RERE: variants seen among roughly 807,000 people sequenced by gnomAD.
RERE encodes arginine-glutamic acid dipeptide repeats.
RERE carries 40 observed loss-of-function variants against 146.1 expected under a neutral mutation model. That is an observed-to-expected ratio of 0.27 (90% confidence interval 0.21 to 0.36). The LOEUF is 0.36. RERE is among the 10% of genes least tolerant of loss of function. The pLI, the probability that RERE is intolerant of heterozygous loss-of-function variation, is 1.00. For synonymous variants in RERE, 1,003 were observed against 866.0 expected, an observed-to-expected ratio of 1.16 and a Z score of -2.78; for missense variants, 1,933 against 2,138.7, an observed-to-expected ratio of 0.90 and a Z score of 1.90.
intron 1 of RERE, among the ~76,000 whole-genome samples, chr1:8,672,314 C>T (rs1329133271): frequency 6.6e-6 from 1 of 152,066 alleles, no homozygotes; most frequent in Admixed American, 6.5e-5. Flanking sequence ...GCTGGGACTA[C>T]AGGTACGTAT....
chr1:8,508,700 A>T, intron 7 of RERE, 25 bp from the exon 8 acceptor site: 1 of 1,586,872 alleles, frequency 6.3e-7, no homozygotes, highest in Non-Finnish European at 8.6e-7. Context: ...GAGCAGATTA[A>T]GTTAGCGCAA....
intron 7 of RERE, among the ~76,000 whole-genome samples, chr1:8,535,495 C>G (rs1645712818): frequency 6.6e-6 from 1 of 152,206 alleles, no homozygotes; most frequent in Non-Finnish European, 1.5e-5. Flanking sequence ...AGGGTGACAA[C>G]ATACTTTCAA....
intron 1 of RERE, among the ~76,000 whole-genome samples, chr1:8,711,743 G>C (rs2124458327): frequency 6.6e-6 from 1 of 152,106 alleles, no homozygotes; most frequent in African/African-American, 2.4e-5. Context: ...CAAATGTACT[G>C]GAAGTAATCT....
chr1:8,744,018 G>A (rs1409499860), intron 1 of RERE, among the ~76,000 whole-genome samples: 4 of 152,176 alleles, frequency 2.6e-5, no homozygotes, highest in Non-Finnish European at 4.4e-5. Flanking sequence ...TTGAAGCACA[G>A]TAGGTGCTCA....
intron 4 of RERE, among the ~76,000 whole-genome samples, chr1:8,605,059 T>C (rs768394187): frequency 2.0e-5 from 3 of 152,258 alleles, no homozygotes; most frequent in Non-Finnish European, 2.9e-5. Context: ...AATATAACAA[T>C]GTCTCTAACT....
intron 1 of RERE, chr1:8,786,459 G>A (rs1231461634): frequency 3.3e-6 from 3 of 904,728 alleles, no homozygotes; most frequent in Non-Finnish European, 1.8e-6. Flanking sequence ...TATTCATCTT[G>A]CCATAACCAC....
chr1:8,677,459 A>G (rs536853907), intron 1 of RERE, among the ~76,000 whole-genome samples: 8 of 151,874 alleles, frequency 5.3e-5, no homozygotes, highest in Admixed American at 2.0e-4. Context: ...GAAAAGAAAA[A>G]AAAAAAAAAA....
At chr1:8,697,796 T>C (rs886798906) in intron 1 of RERE, among the ~76,000 whole-genome samples, 15 of 152,216 alleles carry the variant, frequency 9.9e-5, no homozygotes, top group Non-Finnish European at 2.2e-4. Context: ...TGAACAGTAG[T>C]GTCTGTGGCC....
chr1:8,536,567 G>T (rs1255770698), intron 7 of RERE, among the ~76,000 whole-genome samples: 2 of 152,124 alleles, frequency 1.3e-5, no homozygotes, highest in Admixed American at 1.3e-4. Flanking sequence ...CTCCTAACTG[G>T]CTTTATTTAT....
chr1:8,795,546 T>C lies in RERE; in HGVS notation c.-145+21614A>G, dbSNP rs571751385. 1.2e-4 allele frequency among the ~76,000 whole-genome samples: 18 copies of C among 152,258 alleles called. 1 individual carries two copies. The East Asian group carries it at 3.5e-3, about 29-fold the overall frequency. ...TGTCCCTATTTGACAGCTAAGGAAG[T>C]AGGGCACATAATCATACTTCAAGCC... On this transcript the variant is annotated intron_variant, in intron 1 of 22. Coordinates refer to ENST00000400908, the MANE Select transcript of RERE (RefSeq NM_001042681.2).
intron 10 of RERE, among the ~76,000 whole-genome samples, chr1:8,467,429 C>T (rs1644614432): frequency 6.6e-6 from 1 of 152,170 alleles, no homozygotes. Flanking sequence ...GAGGAGACAG[C>T]CATGTGTTTC....
chr1:8,476,566 G>A (rs1415664264), intron 10 of RERE, among the ~76,000 whole-genome samples: 1 of 152,190 alleles, frequency 6.6e-6, no homozygotes, highest in East Asian at 1.9e-4. Context: ...CACTCACAGT[G>A]CTAAATGAAA....
chr1:8,638,775 GAAAA>G lies in RERE; in HGVS notation c.326-14399_326-14396del, dbSNP rs1194181572. On this transcript the variant is annotated intron_variant, in intron 2 of 22. Coordinates refer to ENST00000400908, the MANE Select transcript of RERE (RefSeq NM_001042681.2). ...AAAATGCAGAAGGAAACTCATAGAC[GAAAA>G]AAAATTTTTTTTTTTTTTTTTTTTT... is the stretch of plus-strand genomic sequence containing the variant. Among the ~76,000 whole-genome samples the G allele has an allele frequency of 1.1e-3, 151 of 138,946 alleles. 1 individual carries two copies. Among genetic ancestry groups the G allele is most frequent in the African/African-American group, 4.0e-3 (148 of 36,578 alleles). 91.2% of individuals were successfully genotyped at this position (138,946 alleles called of 152,430 possible).
chr1:8,475,872 C>T (rs1041996619), intron 10 of RERE, among the ~76,000 whole-genome samples: 3 of 152,088 alleles, frequency 2.0e-5, no homozygotes, highest in Non-Finnish European at 4.4e-5. Flanking sequence ...ATTATCATTT[C>T]AAATAATGCT....
intron 1 of RERE, among the ~76,000 whole-genome samples, chr1:8,727,953 T>C (rs1553141042): frequency 1.3e-5 from 2 of 152,244 alleles, no homozygotes; most frequent in Non-Finnish European, 2.9e-5. Flanking sequence ...AATTAATCCA[T>C]GTAGCCCAGA....
At chr1:8,707,994 A>G (rs1006974209) in intron 1 of RERE, among the ~76,000 whole-genome samples, 4 of 152,206 alleles carry the variant, frequency 2.6e-5, no homozygotes, top group African/African-American at 9.7e-5. Flanking sequence ...TCCCTTATAA[A>G]TCAAATTTTA....
At chr1:8,591,620 T>G (rs374843432) in intron 4 of RERE, among the ~76,000 whole-genome samples, 1 of 152,134 alleles carries the variant, frequency 6.6e-6, no homozygotes, top group Non-Finnish European at 1.5e-5. Context: ...CAGGAAGCAG[T>G]TGCCTCCTGG....
At chr1:8,393,534 G>T (rs946815998) in intron 12 of RERE, among the ~76,000 whole-genome samples, 4 of 152,146 alleles carry the variant, frequency 2.6e-5, no homozygotes, top group African/African-American at 9.7e-5. Flanking sequence ...ATAAAATGGG[G>T]TTGGTTTTCT....
intron 7 of RERE, among the ~76,000 whole-genome samples, chr1:8,511,430 T>C (rs1305841611): frequency 1.3e-5 from 2 of 152,246 alleles, no homozygotes; most frequent in Non-Finnish European, 2.9e-5. Flanking sequence ...CAGGGTTCTA[T>C]AGCAAGAAAT....
Sources: allele counts gnomAD v4.1 joint callset (sites outside exome capture counted in the v4.1 genomes callset), GRCh38; gene constraint gnomAD v4.1.1; transcripts MANE v1.5; gene names NCBI Gene and HGNC (gene_info 2026-07-23, HGNC 2026-07-21).